NOS2: variants seen among roughly 807,000 people sequenced by gnomAD.
NOS2 encodes nitric oxide synthase 2.
NOS2 carries 96 observed loss-of-function variants against 136.0 expected under a neutral mutation model. The observed-to-expected ratio is 0.71, with a 90% CI of 0.60 to 0.84. NOS2 has a LOEUF of 0.84. Ranked by LOEUF, NOS2 falls within the 40% of genes least tolerant of loss-of-function variation. The pLI is 0.00. For missense variants in NOS2, 1,237 were observed against 1,496.9 expected (o/e 0.83, Z 2.87); for synonymous variants, 539 against 587.5 (o/e 0.92, Z 1.20).
In NOS2 at chr17:27,789,622, G is replaced by A; in HGVS notation, c.177C>T (p.Pro59=). ...LSKQQNESPQ[P]LVETGKKSPE... is the part of the protein sequence containing the mutation. The stretch of plus-strand genomic sequence containing the variant: ...CACTGACCTTTCCCGTCTCCACGAG[G>A]GGCTGCGGGGACTCATTCTGCTGCT... Residue 59 remains proline (P), a synonymous_variant, in exon 3 of 27, where the codon CCC becomes CCT. Coordinates refer to ENST00000313735, the MANE Select transcript of NOS2 (RefSeq NM_000625.4). 1 of 1,613,880 alleles carries A rather than the reference G, an allele frequency of 6.2e-7. No individual in the cohort carries two copies. Among genetic ancestry groups the A allele is most frequent in the Non-Finnish European group, 8.5e-7 (1 of 1,179,768 alleles).
intron 13 of NOS2, 72 bp downstream of exon 13, chr17:27,773,089 G>T: frequency 1.7e-6 from 2 of 1,186,784 alleles, no homozygotes; most frequent in Non-Finnish European, 2.5e-6. Flanking sequence ...TTCAAGGACT[G>T]GAGGCAGAGG....
At chr17:27,778,018 G>A (rs943809639) in intron 11 of NOS2, among the ~76,000 whole-genome samples, 1 of 150,684 alleles carries the variant, frequency 6.6e-6, no homozygotes, top group Non-Finnish European at 1.5e-5. Flanking sequence ...CTGGGTGACC[G>A]AGTGAGATGA....
intron 21 of NOS2, 68 bp from the exon 22 acceptor site, chr17:27,763,073 C>T (rs1229283775): frequency 6.8e-6 from 7 of 1,026,294 alleles, no homozygotes; most frequent in African/African-American, 1.6e-5. Flanking sequence ...ACTGTCACAA[C>T]CCAGTATTCA....
chr17:27,779,268 T>C (rs1370224331), intron 9 of NOS2, among the ~76,000 whole-genome samples: 1 of 147,974 alleles, frequency 6.8e-6, no homozygotes, highest in Non-Finnish European at 1.5e-5. Flanking sequence ...ATGTGCCATC[T>C]TGCTCAGCTA....
chr17:27,758,320 T>C (rs1033649551), intron 26 of NOS2, among the ~76,000 whole-genome samples: 6 of 152,102 alleles, frequency 3.9e-5, no homozygotes, highest in African/African-American at 9.7e-5. Context: ...CTTCCCTCTG[T>C]AAAAGGGGGT....
chr17:27,798,604 A>T (rs1316058593), intron 2 of NOS2, 96 bp downstream of exon 2: 6 of 767,650 alleles, frequency 7.8e-6, no homozygotes, highest in African/African-American at 1.7e-5. Context: ...CTCAGGTGAG[A>T]GAGGAGGAGC....
chr17:27,759,952 C>T (rs1371552152), intron 25 of NOS2, 78 bp downstream of exon 25: 83 of 1,381,824 alleles, frequency 6.0e-5, no homozygotes, highest in Non-Finnish European at 7.6e-5. Flanking sequence ...CTCGGGGAGG[C>T]GAGGGGCCTG....
At chr17:27,790,229 G>C (rs1280557017) in intron 2 of NOS2, among the ~76,000 whole-genome samples, 1 of 152,156 alleles carries the variant, frequency 6.6e-6, no homozygotes, top group Admixed American at 6.5e-5. Flanking sequence ...GGGTAGCTGG[G>C]ACTACAGGCG....
intron 25 of NOS2, among the ~76,000 whole-genome samples, chr17:27,759,476 G>A (rs911252423): frequency 1.3e-5 from 2 of 152,140 alleles, no homozygotes; most frequent in African/African-American, 4.8e-5. Flanking sequence ...GGGCTCCCCA[G>A]ATACAAGGTC....
chr17:27,788,918 G>A lies in NOS2; in HGVS notation c.209C>T (p.Ser70Phe). The change falls in exon 4 of 27, where the codon TCT (serine) becomes TTT (phenylalanine). Residue 70 changes from serine to phenylalanine, a missense_variant. Around this residue, in one of 3 missense-constraint regions of NOS2, gnomAD observed 440 missense variants for 545.4 expected, o/e 0.81. Transcript: ENST00000313735. The part of the protein sequence containing the change: ...LVETGKKSPE[S>F]LVKLDATPLS... ...TGGGGTTGCATCCAGCTTGACCAGA[G>A]ATTCTGGAGACTTCTGCAAGGGGAA... The A allele has an allele frequency of 6.2e-7, 1 of 1,613,986 alleles. No individual in the cohort carries two copies. Among genetic ancestry groups the A allele is most frequent in the Non-Finnish European group, 8.5e-7 (1 of 1,179,918 alleles).
Position 27,766,523 on chromosome 17 carries a change from T to G in NOS2, c.2233A>C (p.Ser745Arg). The G allele has an allele frequency of 6.2e-7, 1 of 1,614,082 alleles. No individual in the cohort carries two copies. Among genetic ancestry groups the G allele is most frequent in the Non-Finnish European group, 8.5e-7 (1 of 1,179,912 alleles). Residue 745 changes from serine (S) to arginine (R), a missense_variant, in exon 19 of 27, where the codon AGT becomes CGT. Physicochemically the swap from Ser to Arg is moderately radical, Grantham distance 110 (BLOSUM62 -1). This residue lies in a region of NOS2 where 782 missense variants were observed against 909.9 expected (regional missense o/e 0.86). Coordinates refer to ENST00000313735, the MANE Select transcript of NOS2 (RefSeq NM_000625.4). ...ACTTTCCCTTACCTGGATGTCGGAC[T>G]TTGTAGATTCTGCCGAGATTTGAGC... ...MRLKSRQNLQ[S>R]PTSSRATILV...
Position 27,767,793 on chromosome 17 carries a change from C to A in NOS2, c.2079G>T (p.Gln693His), listed in dbSNP as rs756577007. 5 of 1,612,040 alleles carry A rather than the reference C, an allele frequency of 3.1e-6. No homozygotes were observed. Among genetic ancestry groups the A allele is most frequent in the Non-Finnish European group, 4.2e-6 (5 of 1,179,986 alleles). The stretch of plus-strand genomic sequence containing the variant: ...CATTGGAGGTGTAGAGCTTGGGGAT[C>A]TGAATGTGCTGTTTGCCTCGGACAT... Reference protein sequence around the residue: ...TFDVRGKQHIQIPKLYTSNVT... With the variant: ...TFDVRGKQHIHIPKLYTSNVT... The change falls in exon 18 of 27, where the codon CAG becomes CAT. Residue 693 changes from glutamine (Q) to histidine (H), a missense_variant. By Grantham distance (24) the Gln-to-His change is conservative. This residue lies in a region of NOS2 where 782 missense variants were observed against 909.9 expected (regional missense o/e 0.86). Transcript: ENST00000313735.
chr17:27,780,965 C>A (rs1908824452), intron 8 of NOS2, 59 bp from the exon 9 acceptor site: 2 of 1,598,498 alleles, frequency 1.3e-6, no homozygotes, highest in African/African-American at 1.3e-5. Context: ...CTCCTCTGGG[C>A]TCCACTCTGT....
intron 6 of NOS2, among the ~76,000 whole-genome samples, chr17:27,782,702 T>C (rs1252325011): frequency 2.0e-5 from 3 of 152,188 alleles, no homozygotes; most frequent in African/African-American, 7.2e-5. Flanking sequence ...TGGCATTTAG[T>C]CTCCTGAATT....
chr17:27,780,083 A>T (rs1908793616), intron 9 of NOS2, among the ~76,000 whole-genome samples: 1 of 152,232 alleles, frequency 6.6e-6, no homozygotes, highest in African/African-American at 2.4e-5. Context: ...GACTGAGGGT[A>T]AGGGGGCCTC....
intron 2 of NOS2, among the ~76,000 whole-genome samples, chr17:27,791,867 C>T (rs1027027017): frequency 2.0e-5 from 3 of 151,878 alleles, no homozygotes; most frequent in African/African-American, 7.3e-5. Context: ...GAGCAGTCAC[C>T]ATGGGGCTGC....
chr17:27,789,862 C>T (rs558683753), intron 2 of NOS2, among the ~76,000 whole-genome samples, 174 bp from the exon 3 acceptor site: 5 of 152,300 alleles, frequency 3.3e-5, no homozygotes, highest in African/African-American at 1.2e-4. Context: ...CTTCCCTCTT[C>T]CTCTTATCTT....
At position 27,757,362 on chromosome 17, in the gene NOS2, T is replaced by TA. The variant is rs776372623; in HGVS notation, c.3355-10dup. ...TGATAGCGCTTCTGGCTCTTTTAGG[T>TA]AAAAACAGAGAGCAACGTGTCAAGT... is the stretch of plus-strand genomic sequence containing the variant. On this transcript the variant is annotated splice_polypyrimidine_tract_variant and intron_variant, in intron 26 of 26. Coordinates refer to ENST00000313735, the MANE Select transcript of NOS2 (RefSeq NM_000625.4). The TA allele has an allele frequency of 3.1e-6, 5 of 1,613,154 alleles. No individual in the cohort carries two copies. In the African/African-American group the frequency reaches 4.0e-5, roughly 13 times the overall value.
chr17:27,779,339 C>G (rs1467491588), intron 9 of NOS2, among the ~76,000 whole-genome samples: 1 of 147,602 alleles, frequency 6.8e-6, no homozygotes, highest in Non-Finnish European at 1.5e-5. Flanking sequence ...TTTATAGAGT[C>G]TCACTATGTT....
Sources: gnomAD v4.1 joint callset for allele counts (sites outside exome capture counted in the v4.1 genomes callset) on GRCh38, gnomAD v4.1.1 for gene constraint, gnomAD v4.1.1 regional missense constraint, MANE v1.5 for transcripts, NCBI Gene and HGNC (gene_info 2026-07-23, HGNC 2026-07-21) for gene names.